Variants in SCFD2 observed in about 807,000 individuals in gnomAD.
The protein encoded by SCFD2 is sec1 family domain-containing protein 2.
A neutral mutation model predicts 58.9 loss-of-function variants in SCFD2; 54 were observed. That is an observed-to-expected ratio of 0.92 (90% confidence interval 0.74 to 1.15). SCFD2 has a LOEUF of 1.15. Among genes scored for constraint, SCFD2 ranks in the 50% most tolerant of loss-of-function variants. The pLI is 0.00. For missense variants in SCFD2, 805 were observed against 836.6 expected, an observed-to-expected ratio of 0.96 and a Z score of 0.47; for synonymous variants, 321 against 335.9, an observed-to-expected ratio of 0.96 and a Z score of 0.49.
intron 2 of SCFD2, among the ~76,000 whole-genome samples, chr4:53,328,939 C>A (rs1433061725): frequency 3.3e-5 from 5 of 152,224 alleles, no homozygotes; most frequent in Non-Finnish European, 7.3e-5. Context: ...TTGGGAAGCG[C>A]AAGGGGTCAG....
intron 5 of SCFD2, among the ~76,000 whole-genome samples, chr4:52,951,404 C>T (rs533079725): frequency 6.6e-6 from 1 of 151,980 alleles, no homozygotes; most frequent in Admixed American, 6.5e-5. Context: ...TGTCTAAGAG[C>T]ACAGAAGAAG....
chr4:53,183,733 C>A (rs1044307732), intron 4 of SCFD2, among the ~76,000 whole-genome samples: 5 of 151,782 alleles, frequency 3.3e-5, no homozygotes, highest in Admixed American at 2.0e-4. Flanking sequence ...ACTTTGGAAC[C>A]CTTATGAAAT....
chr4:53,316,826 T>G (rs1352380766), intron 2 of SCFD2, among the ~76,000 whole-genome samples: 1 of 152,100 alleles, frequency 6.6e-6, no homozygotes, highest in Non-Finnish European at 1.5e-5. Context: ...TAAACAATTC[T>G]GGGCCGGGCG....
At chr4:53,309,005 G>C (rs1732602913) in intron 3 of SCFD2, among the ~76,000 whole-genome samples, 1 of 151,760 alleles carries the variant, frequency 6.6e-6, no homozygotes, top group South Asian at 2.1e-4. Flanking sequence ...TGGTGGCATG[G>C]GCCTGTAATC....
chr4:53,294,729 AAT>A (rs1160819623), intron 3 of SCFD2, among the ~76,000 whole-genome samples: 1 of 152,108 alleles, frequency 6.6e-6, no homozygotes, highest in African/African-American at 2.4e-5. Flanking sequence ...CTATGTCCTG[AAT>A]GGTATTGCCT....
intron 5 of SCFD2, among the ~76,000 whole-genome samples, chr4:52,955,010 A>G (rs1720678639): frequency 6.6e-6 from 1 of 152,166 alleles, no homozygotes; most frequent in Admixed American, 6.5e-5. Flanking sequence ...TCTCCCACAC[A>G]GTACCCCATT....
chr4:53,033,926 C>A (rs757250544), intron 5 of SCFD2, among the ~76,000 whole-genome samples: 2 of 152,170 alleles, frequency 1.3e-5, no homozygotes, highest in Non-Finnish European at 2.9e-5. Flanking sequence ...CTATTCCAAG[C>A]AACAGAAATA....
intron 4 of SCFD2, among the ~76,000 whole-genome samples, chr4:53,251,688 T>C (rs902054457): frequency 1.2e-4 from 18 of 152,020 alleles, no homozygotes; most frequent in Non-Finnish European, 2.2e-4. Flanking sequence ...CAACAACCCT[T>C]CATGCTAAAA....
At chr4:53,161,165 A>G (rs1312886060) in intron 4 of SCFD2, among the ~76,000 whole-genome samples, 1 of 152,202 alleles carries the variant, frequency 6.6e-6, no homozygotes, top group Non-Finnish European at 1.5e-5. Context: ...AGTAACCGGG[A>G]GAGAGCAAAA....
intron 4 of SCFD2, among the ~76,000 whole-genome samples, chr4:53,157,931 C>T (rs1269638957): frequency 2.6e-5 from 4 of 152,190 alleles, no homozygotes; most frequent in African/African-American, 9.7e-5. Flanking sequence ...CTTCTCAAAA[C>T]TTAATGTTCA....
At chr4:53,031,139 G>C (rs1228005760) in intron 5 of SCFD2, among the ~76,000 whole-genome samples, 6 of 152,238 alleles carry the variant, frequency 3.9e-5, no homozygotes, top group Middle Eastern at 3.4e-3. Flanking sequence ...CAGGCAAACA[G>C]GGTCAGGAAT....
At chr4:52,884,684 G>A (rs936010121) in intron 8 of SCFD2, among the ~76,000 whole-genome samples, 28 of 152,144 alleles carry the variant, frequency 1.8e-4, no homozygotes, top group Admixed American at 1.4e-3. Context: ...TAAGGCAAGG[G>A]TTTTACATCT....
intron 5 of SCFD2, among the ~76,000 whole-genome samples, chr4:52,921,447 G>A (rs1719733234): frequency 6.6e-6 from 1 of 152,018 alleles, no homozygotes; most frequent in Admixed American, 6.5e-5. Context: ...TCAGAAGAAC[G>A]TATTCTCTGT....
intron 2 of SCFD2, among the ~76,000 whole-genome samples, chr4:53,340,396 G>A (rs189412492): frequency 1.6e-4 from 24 of 152,286 alleles, no homozygotes; most frequent in East Asian, 7.7e-4. Flanking sequence ...ACTACAAGGC[G>A]GCAGCGAGGC....
chr4:53,011,165 C>T (rs1175206808), intron 5 of SCFD2, among the ~76,000 whole-genome samples: 1 of 152,130 alleles, frequency 6.6e-6, no homozygotes, highest in Non-Finnish European at 1.5e-5. Flanking sequence ...TGTATTCTTT[C>T]TATGAGGATA....
rs559338111 is a variant in SCFD2 at position 53,238,577 on chromosome 4, G to A, written c.1311+35249C>T. Among the ~76,000 whole-genome samples the A allele has an allele frequency of 3.8e-4, 57 of 150,672 alleles. No homozygotes were observed. In the East Asian group the frequency reaches 7.7e-3, roughly 20 times the overall value. The stretch of plus-strand genomic sequence containing the variant: ...TCACTTCCCAGATGGGGCGGCTGCC[G>A]GGCGGAGGGGCTCCTCACTTCCCAG... On this transcript the variant is annotated intron_variant, in intron 4 of 8. Transcript: ENST00000401642.
chr4:52,907,557 T>C lies in SCFD2; in HGVS notation c.1742A>G (p.Glu581Gly). Residue 581 changes from glutamate to glycine, a missense_variant, in exon 7 of 9, where the codon GAG (glutamate) becomes GGG (glycine). By Grantham distance (98) the Glu-to-Gly change is moderately conservative. This residue lies in a region of SCFD2 where 633 missense variants were observed against 646.8 expected (regional missense o/e 0.98). Coordinates refer to ENST00000401642, the MANE Select transcript of SCFD2 (RefSeq NM_152540.4). Reference sequence around the variant, plus strand: ...TGGCCTCTCGGGATGAAATATTTCCTCCACAACTTGCTTCAACAATGGCTT... The same window carrying C: ...TGGCCTCTCGGGATGAAATATTTCCCCCACAACTTGCTTCAACAATGGCTT... ...SYKPLLKQVV[E>G]EIFHPERPDS... The C allele has an allele frequency of 7.4e-6, 12 of 1,614,062 alleles. No individual in the cohort carries two copies. Among genetic ancestry groups the C allele is most frequent in the Non-Finnish European group, 1.0e-5 (12 of 1,179,968 alleles).
At chr4:53,308,439 G>A (rs1459124523) in intron 3 of SCFD2, among the ~76,000 whole-genome samples, 1 of 151,974 alleles carries the variant, frequency 6.6e-6, no homozygotes, top group African/African-American at 2.4e-5. Flanking sequence ...GCAAAGTTGG[G>A]CAGTCTCCCC....
chr4:52,926,622 A>C (rs1267630091), intron 5 of SCFD2, among the ~76,000 whole-genome samples: 1 of 152,228 alleles, frequency 6.6e-6, no homozygotes, highest in Non-Finnish European at 1.5e-5. Flanking sequence ...AACCCTGGTC[A>C]AGAGGCTATT....
Sources: allele counts gnomAD v4.1 joint callset (sites outside exome capture counted in the v4.1 genomes callset), GRCh38; gene constraint gnomAD v4.1.1; regional missense constraint gnomAD v4.1.1; transcripts MANE v1.5; gene names NCBI Gene and HGNC (gene_info 2026-07-23, HGNC 2026-07-21).